The following OPCML variants were observed in gnomAD, a reference collection of about 807,000 sequenced individuals.
OPCML encodes the protein opioid-binding protein/cell adhesion molecule.
A neutral mutation model predicts 37.8 loss-of-function variants in OPCML; 13 were observed. The observed-to-expected ratio is 0.34, with a 90% confidence interval of 0.22 to 0.55. The LOEUF (loss-of-function observed/expected upper bound fraction) is 0.55, where lower values mean the gene tolerates loss of function less well. Among genes scored for constraint, OPCML ranks in the 20% least tolerant of loss-of-function variants. The pLI is 0.91. For missense variants in OPCML, 341 were observed against 435.6 expected, an observed-to-expected ratio of 0.78 and a Z score of 1.93; for synonymous variants, 176 against 168.8, an observed-to-expected ratio of 1.04 and a Z score of -0.33.
At chr11:133,106,872 AG>A (rs1310965065) in intron 1 of OPCML, among the ~76,000 whole-genome samples, 1 of 152,240 alleles carries the variant, frequency 6.6e-6, no homozygotes, top group African/African-American at 2.4e-5. Context: ...CTCTTGGCCT[AG>A]CCCCACTCAA....
At chr11:133,527,680 T>C (rs186757909) in intron 1 of OPCML, among the ~76,000 whole-genome samples, 13 of 152,342 alleles carry the variant, frequency 8.5e-5, no homozygotes, top group Admixed American at 2.0e-4. Context: ...AAGTGTTTAT[T>C]TGTTATCATC....
At position 132,437,234 on chromosome 11, in the gene OPCML, T is replaced by C; in HGVS notation, c.631A>G (p.Ile211Val). Residue 211 changes from isoleucine to valine, a missense_variant, in exon 5 of 8, where the codon ATC (isoleucine) becomes GTC (valine). By Grantham distance (29) the Ile-to-Val change is conservative. Coordinates refer to ENST00000524381, the MANE Select transcript of OPCML (RefSeq NM_001012393.5). Reference sequence around the variant, plus strand: ...CAGGTCCACTCACAGTTTACAGTGATTTTTACTTTCCGCACATCGGGCGCA... The same window carrying C: ...CAGGTCCACTCACAGTTTACAGTGACTTTTACTTTCCGCACATCGGGCGCA... The part of the protein sequence containing the change: ...VAAPDVRKVK[I>V]TVNYPPYISK... 5.0e-6 allele frequency: 8 copies of C among 1,613,992 alleles called. No individual in the cohort carries two copies. Among genetic ancestry groups the C allele is most frequent in the Non-Finnish European group, 6.8e-6 (8 of 1,179,862 alleles).
intron 1 of OPCML, among the ~76,000 whole-genome samples, chr11:132,962,563 C>T (rs1352689997): frequency 1.3e-5 from 2 of 152,224 alleles, no homozygotes; most frequent in Non-Finnish European, 2.9e-5. Context: ...CTATTATTCT[C>T]ATATTTGTCA....
intron 1 of OPCML, among the ~76,000 whole-genome samples, chr11:133,138,057 G>A (rs1295074833): frequency 6.6e-6 from 1 of 152,280 alleles, no homozygotes; most frequent in East Asian, 1.9e-4. Context: ...CCGGTGGGAG[G>A]TGTTTGGGTC....
At chr11:132,532,200 T>C (rs934207191) in intron 3 of OPCML, among the ~76,000 whole-genome samples, 2 of 152,166 alleles carry the variant, frequency 1.3e-5, no homozygotes, top group Non-Finnish European at 2.9e-5. Context: ...CTTCCTGAAG[T>C]GGGATCGCGA....
At chr11:132,977,671 A>C (rs952842150) in intron 1 of OPCML, among the ~76,000 whole-genome samples, 1 of 152,196 alleles carries the variant, frequency 6.6e-6, no homozygotes, top group African/African-American at 2.4e-5. Context: ...CACAGCTGGC[A>C]GACAGAATTA....
At chr11:133,218,123 G>A (rs1939665776) in intron 1 of OPCML, among the ~76,000 whole-genome samples, 2 of 151,818 alleles carry the variant, frequency 1.3e-5, no homozygotes, top group African/African-American at 4.8e-5. Flanking sequence ...TAACTAGGGT[G>A]GGAATGCCAT....
chr11:133,400,358 C>T (rs568166122), intron 1 of OPCML, among the ~76,000 whole-genome samples: 4 of 152,310 alleles, frequency 2.6e-5, no homozygotes, highest in African/African-American at 9.6e-5. Flanking sequence ...GTTTACTCAG[C>T]CTCCTCAAAG....
chr11:133,131,181 G>C (rs1190365943), intron 1 of OPCML, among the ~76,000 whole-genome samples: 1 of 152,084 alleles, frequency 6.6e-6, no homozygotes, highest in Non-Finnish European at 1.5e-5. Flanking sequence ...CTAAATGTGT[G>C]TTTTGATCTT....
rs538825966 is a variant in OPCML at position 132,787,834 on chromosome 11, C to G, written c.147-130515G>C. 5.1e-4 allele frequency among the ~76,000 whole-genome samples: 78 copies of G among 152,258 alleles called. 1 individual carries two copies. Among genetic ancestry groups the G allele is most frequent in the Non-Finnish European group, 1.5e-5 (1 of 68,016 alleles). On this transcript the variant is annotated intron_variant, in intron 2 of 7. Coordinates refer to ENST00000524381, the MANE Select transcript of OPCML (RefSeq NM_001012393.5). ...CTGTGGCCCAAATTCGCTTTGTATT[C>G]TTGACCTGTATATCCAACAAGCTCT...
chr11:133,496,090 T>G (rs189588127), intron 1 of OPCML, among the ~76,000 whole-genome samples: 195 of 152,334 alleles, frequency 1.3e-3, no homozygotes, highest in African/African-American at 4.5e-3. Context: ...ATGTGAGAGA[T>G]GAGGATCTAG....
chr11:132,993,007 T>C (rs1166199951), intron 1 of OPCML, among the ~76,000 whole-genome samples: 1 of 152,204 alleles, frequency 6.6e-6, no homozygotes, highest in Non-Finnish European at 1.5e-5. Flanking sequence ...CACTGGTTAG[T>C]AGTGCTGGTT....
intron 1 of OPCML, among the ~76,000 whole-genome samples, chr11:133,522,858 T>C (rs1948420952): frequency 6.6e-6 from 1 of 152,158 alleles, no homozygotes; most frequent in Non-Finnish European, 1.5e-5. Context: ...TTTCACTTTT[T>C]AAATAAATTA....
intron 1 of OPCML, among the ~76,000 whole-genome samples, chr11:133,339,481 A>T (rs1471964744): frequency 6.6e-6 from 1 of 152,072 alleles, no homozygotes; most frequent in Non-Finnish European, 1.5e-5. Flanking sequence ...CAGTCTTTTC[A>T]CTATAGCTTC....
At chr11:132,687,406 A>G (rs1267128978) in intron 2 of OPCML, among the ~76,000 whole-genome samples, 1 of 95,556 alleles carries the variant, frequency 1.0e-5, no homozygotes. Flanking sequence ...ATATATATAT[A>G]TATATATATA....
At chr11:133,207,927 G>A (rs183171207) in intron 1 of OPCML, among the ~76,000 whole-genome samples, 11 of 152,112 alleles carry the variant, frequency 7.2e-5, no homozygotes, top group African/African-American at 2.2e-4. Flanking sequence ...TCGCCGCAGG[G>A]TCTTCATTCA....
chr11:132,485,650 A>G (rs1182348930), intron 4 of OPCML, among the ~76,000 whole-genome samples: 1 of 152,176 alleles, frequency 6.6e-6, no homozygotes, highest in African/African-American at 2.4e-5. Context: ...ATCATATACT[A>G]TGTAATCTTT....
chr11:133,347,898 G>A (rs139390415), intron 1 of OPCML, among the ~76,000 whole-genome samples: 3 of 152,190 alleles, frequency 2.0e-5, no homozygotes, highest in Non-Finnish European at 4.4e-5. Flanking sequence ...AAAGATGATA[G>A]TGAGCTGAGA....
At chr11:132,829,660 A>G (rs761784894) in intron 2 of OPCML, among the ~76,000 whole-genome samples, 9 of 152,152 alleles carry the variant, frequency 5.9e-5, no homozygotes, top group Non-Finnish European at 1.2e-4. Context: ...CTCAGCTCCA[A>G]TGGGATCCTT....
Sources: allele counts gnomAD v4.1 joint callset (sites outside exome capture counted in the v4.1 genomes callset), GRCh38; gene constraint gnomAD v4.1.1; transcripts MANE v1.5; gene names NCBI Gene and HGNC (gene_info 2026-07-23, HGNC 2026-07-21).